The following YBEY variants were observed in gnomAD, a reference collection of about 807,000 sequenced individuals.
The protein encoded by YBEY is ybeY metalloendoribonuclease.
YBEY carries 15 observed loss-of-function variants against 13.5 expected under a neutral mutation model. That is an observed-to-expected ratio of 1.11 (90% CI 0.75 to 1.72). The LOEUF (loss-of-function observed/expected upper bound fraction) is 1.72. Among genes scored for constraint, YBEY ranks in the 40% most tolerant of loss-of-function variants. The probability of loss-of-function intolerance (pLI) is 0.00; values close to 1 mark genes in which losing one functional copy is unlikely to be tolerated. For missense variants in YBEY, 244 were observed against 208.4 expected (o/e 1.17, Z -1.05); for synonymous variants, 101 against 83.1 (o/e 1.21, Z -1.17).
chr21:46,299,731 T>C (rs574729897), downstream of YBEY, among the ~76,000 whole-genome samples: 1 of 150,642 alleles, frequency 6.6e-6, no homozygotes, highest in African/African-American at 2.4e-5. Context: ...GGTGTACAGG[T>C]GTGCACAATG....
chr21:46,311,503 G>A, the YBEY span: 1 of 1,612,416 alleles, frequency 6.2e-7, no homozygotes, highest in Non-Finnish European at 8.5e-7. Flanking sequence ...CTGGGGAGGA[G>A]GAATCTGTGC....
the YBEY span, among the ~76,000 whole-genome samples, chr21:46,304,032 T>G: frequency 1.7e-5 from 2 of 116,476 alleles, no homozygotes; most frequent in Non-Finnish European, 3.7e-5. Flanking sequence ...TTTTTTTTTT[T>G]TTTTTTTTTT....
downstream of YBEY, chr21:46,300,806 T>A: frequency 7.8e-7 from 1 of 1,285,882 alleles, no homozygotes; most frequent in Non-Finnish European, 1.0e-6. Flanking sequence ...TAATAGGGGG[T>A]GAATGAAAGT....
chr21:46,286,936 T>G lies in YBEY; in HGVS notation c.23T>G (p.Leu8Arg), dbSNP rs1385214806. 3 of 1,614,014 alleles carry G rather than the reference T, an allele frequency of 1.9e-6. No homozygotes were observed. Among genetic ancestry groups the G allele is most frequent in the Non-Finnish European group, 2.5e-6 (3 of 1,180,006 alleles). The change falls in exon 2 of 5, where the codon CTG becomes CGG. Residue 8 changes from leucine to arginine, a missense_variant. Transcript: ENST00000397701. Reference protein sequence around the residue: MSLVIRNLQRVIPIRRAP... With the variant: MSLVIRNRQRVIPIRRAP... ...GAAATGAGTTTGGTGATTAGAAATC[T>G]GCAGCGAGTCATCCCCATCAGGAGA...
chr21:46,290,604 ATG>A, intron 2 of YBEY, among the ~76,000 whole-genome samples: 1 of 151,978 alleles, frequency 6.6e-6, no homozygotes, highest in Non-Finnish European at 1.5e-5. Flanking sequence ...GGCCTGAGAC[ATG>A]CATCTTAAGA....
chr21:46,295,294 C>T (rs117442381), intron 3 of YBEY, among the ~76,000 whole-genome samples: 9,251 of 152,082 alleles, frequency 0.061, 354 homozygotes, highest in Non-Finnish European at 0.088. Context: ...TGGCTCTCAG[C>T]TGCACTCTCC....
chr21:46,309,742 A>G, the YBEY span, among the ~76,000 whole-genome samples: 2 of 152,314 alleles, frequency 1.3e-5, no homozygotes, highest in African/African-American at 4.8e-5. Context: ...CACGCCTATA[A>G]TCCCAGCACT....
chr21:46,300,619 C>G, downstream of YBEY: 1 of 1,204,010 alleles, frequency 8.3e-7, no homozygotes, highest in Non-Finnish European at 1.1e-6. Context: ...TGCGCTGGGC[C>G]CTTCGGTGTT....
chr21:46,298,253 T>TG (rs11428281), downstream of YBEY, among the ~76,000 whole-genome samples: 152,155 of 152,242 alleles, frequency 1, 76,034 homozygotes, highest in Non-Finnish European at 1. Context: ...GCCTTCCCAC[T>TG]GACTTGCGTC....
chr21:46,289,439 G>A (rs1401911971), intron 2 of YBEY, among the ~76,000 whole-genome samples: 2 of 135,376 alleles, frequency 1.5e-5, no homozygotes, highest in African/African-American at 5.2e-5. Context: ...AGGAAGGCAA[G>A]GGTTTTGTTT....
chr21:46,309,453 C>T, the YBEY span, among the ~76,000 whole-genome samples: 3 of 147,940 alleles, frequency 2.0e-5, no homozygotes, highest in African/African-American at 7.5e-5. Context: ...AAGAGCAAGA[C>T]TCCGTCTCAA....
intron 2 of YBEY, among the ~76,000 whole-genome samples, chr21:46,289,267 G>C (rs996138704): frequency 6.6e-6 from 1 of 152,196 alleles, no homozygotes; most frequent in Non-Finnish European, 1.5e-5. Flanking sequence ...TTCTGCATTG[G>C]GAGGGATGAA....
At position 46,296,147 on chromosome 21, in the gene YBEY, AAATT is replaced by A; in HGVS notation, c.340-13_340-10del. The stretch of plus-strand genomic sequence containing the variant: ...TGGGGTCATCCTCTGAGCCGGTTTA[AAATT>A]ATTCTGACAGGTGACGGCCACCCAC... On this transcript the variant is annotated splice_polypyrimidine_tract_variant and intron_variant, in intron 3 of 4. Coordinates refer to ENST00000397701, the MANE Select transcript of YBEY (RefSeq NM_001314025.2). The A allele has an allele frequency of 6.2e-7, 1 of 1,613,628 alleles. No homozygotes were observed. Among genetic ancestry groups the A allele is most frequent in the Non-Finnish European group, 8.5e-7 (1 of 1,179,994 alleles).
chr21:46,299,139 G>C (rs1301287950), downstream of YBEY, among the ~76,000 whole-genome samples: 1 of 144,622 alleles, frequency 6.9e-6, no homozygotes, highest in Non-Finnish European at 1.5e-5. Flanking sequence ...GCTAATTTTT[G>C]TATTTCTTAG....
the YBEY span, among the ~76,000 whole-genome samples, chr21:46,312,200 A>G: frequency 2.4e-4 from 36 of 152,184 alleles, 1 homozygote; most frequent in Admixed American, 2.4e-3. Flanking sequence ...ACTTCAGTCT[A>G]GATATCACTT....
the YBEY span, among the ~76,000 whole-genome samples, chr21:46,312,303 C>T: frequency 6.6e-6 from 1 of 152,080 alleles, no homozygotes; most frequent in Non-Finnish European, 1.5e-5. Flanking sequence ...ATAGGAGCAA[C>T]CAACACTTGG....
At chr21:46,289,914 C>T (rs74652864) in intron 2 of YBEY, among the ~76,000 whole-genome samples, 1 of 121,234 alleles carries the variant, frequency 8.2e-6, no homozygotes. Context: ...GTTGTCATAG[C>T]CTTTGTGCAA....
chr21:46,305,858 C>T, the YBEY span, among the ~76,000 whole-genome samples: 1 of 151,924 alleles, frequency 6.6e-6, no homozygotes, highest in East Asian at 1.9e-4. Context: ...AGGAGAATGG[C>T]GTGAACCTGG....
the YBEY span, among the ~76,000 whole-genome samples, chr21:46,309,135 A>G: frequency 6.6e-6 from 1 of 152,160 alleles, no homozygotes; most frequent in Non-Finnish European, 1.5e-5. Flanking sequence ...TCTGGCCAAC[A>G]TGGCGAAATC....
Sources: gnomAD v4.1 joint callset for allele counts (sites outside exome capture counted in the v4.1 genomes callset) on GRCh38, gnomAD v4.1.1 for gene constraint, MANE v1.5 for transcripts, NCBI Gene and HGNC (gene_info 2026-07-23, HGNC 2026-07-21) for gene names.